The following NR2C2 variants were observed in gnomAD, a reference collection of about 807,000 sequenced individuals.
NR2C2 encodes the protein Nuclear hormone receptor TR4.
Under a neutral mutation model 62.9 loss-of-function variants are expected in NR2C2, and 6 were observed. The observed-to-expected ratio is 0.10, with a 90% confidence interval of 0.05 to 0.19. The LOEUF is 0.19. Ranked by LOEUF, NR2C2 falls within the 10% of genes least tolerant of loss-of-function variation. NR2C2 has a pLI of 1.00. For missense variants in NR2C2, 479 were observed against 762.7 expected, an observed-to-expected ratio of 0.63 and a Z score of 4.38; for synonymous variants, 272 against 273.8, an observed-to-expected ratio of 0.99 and a Z score of 0.07.
chr3:14,984,833 T>G (rs917323851), intron 1 of NR2C2, among the ~76,000 whole-genome samples: 4 of 141,376 alleles, frequency 2.8e-5, no homozygotes, highest in Non-Finnish European at 6.2e-5. Context: ...CATATGGTGG[T>G]TTTTTTTTTT....
At chr3:14,973,491 C>A (rs1202068178) in intron 1 of NR2C2, among the ~76,000 whole-genome samples, 2 of 152,154 alleles carry the variant, frequency 1.3e-5, no homozygotes, top group African/African-American at 2.4e-5. Context: ...ACCTTGGCCT[C>A]CCAAAGTGCC....
chr3:15,027,573 G>A (rs2041859391), intron 7 of NR2C2, among the ~76,000 whole-genome samples: 1 of 152,148 alleles, frequency 6.6e-6, no homozygotes, highest in Non-Finnish European at 1.5e-5. Flanking sequence ...TCTTTGGAGA[G>A]AAGTCTATTA....
Position 15,048,875 on chromosome 3 carries a change from C to G in NR2C2, c.*5867C>G, listed in dbSNP as rs1253493074. On this transcript the variant is annotated 3_prime_UTR_variant, in exon 14 of 14. Coordinates refer to ENST00000425241, the MANE Select transcript of NR2C2 (RefSeq NM_001291694.2). ...AGCCCTTTTAAAGGCATCTATCTAT[C>G]AAAGGAAAATTTGGGTGTTAGATTT... 3 of 152,636 alleles carry G rather than the reference C, an allele frequency of 2.0e-5. No individual in the cohort carries two copies. The highest frequency in any genetic ancestry group is 4.4e-5 in the Non-Finnish European group (3 of 68,046). The allele number at this position is 152,636 out of a possible 1,614,324, so 9.5% of individuals were successfully genotyped here.
At chr3:14,977,429 A>C (rs1039478456) in intron 1 of NR2C2, among the ~76,000 whole-genome samples, 10 of 151,942 alleles carry the variant, frequency 6.6e-5, no homozygotes, top group African/African-American at 2.2e-4. Context: ...TTCATTTTTG[A>C]TATCTTATTT....
chr3:14,956,072 A>G (rs988929176), intron 1 of NR2C2, among the ~76,000 whole-genome samples: 7 of 152,224 alleles, frequency 4.6e-5, no homozygotes, highest in Admixed American at 2.0e-4. Flanking sequence ...CCCTAAAGCT[A>G]AGTAAACTTG....
At chr3:14,965,076 G>A (rs2039800619) in intron 1 of NR2C2, among the ~76,000 whole-genome samples, 1 of 152,172 alleles carries the variant, frequency 6.6e-6, no homozygotes, top group African/African-American at 2.4e-5. Context: ...TACCTGCAGA[G>A]AACCCATGCA....
chr3:15,022,014 TC>T (rs199546246), intron 5 of NR2C2, among the ~76,000 whole-genome samples: 1,935 of 152,358 alleles, frequency 0.013, 21 homozygotes, highest in Middle Eastern at 0.058. Context: ...CTGTCCTTTT[TC>T]TCAATGATGA....
At chr3:15,014,964 G>A (rs1034238058) in intron 3 of NR2C2, among the ~76,000 whole-genome samples, 34 of 152,194 alleles carry the variant, frequency 2.2e-4, no homozygotes, top group Non-Finnish European at 4.6e-4. Context: ...ACTTAAAGAA[G>A]GGAAGACTTT....
rs779271429 is a variant in NR2C2, at chr3:15,032,422, A to C, written c.1154A>C (p.Tyr385Ser). 1 of 1,614,190 alleles carries C rather than the reference A, an allele frequency of 6.2e-7. No homozygotes were observed. Among genetic ancestry groups the C allele is most frequent in the Non-Finnish European group, 8.5e-7 (1 of 1,180,022 alleles). The change falls in exon 10 of 14, where the codon TAC becomes TCC. Residue 385 changes from tyrosine (Y) to serine (S), a missense_variant. By Grantham distance (144) the Tyr-to-Ser change is moderately radical. Coordinates refer to ENST00000425241, the MANE Select transcript of NR2C2 (RefSeq NM_001291694.2). ...SPMPEYLNVH[Y>S]ICESASRLLF... The stretch of plus-strand genomic sequence containing the variant: ...ATGCCAGAGTACCTCAACGTGCACT[A>C]CATCTGTGAGTCTGCATCCCGTCTG...
intron 10 of NR2C2, chr3:15,034,192 C>G (rs1462035724): frequency 6.6e-6 from 1 of 152,634 alleles, no homozygotes; most frequent in Non-Finnish European, 1.5e-5. Flanking sequence ...CCCTCATCCT[C>G]CCTGCTTCAG....
At chr3:14,993,347 G>A (rs1194447722) in intron 1 of NR2C2, among the ~76,000 whole-genome samples, 6 of 151,848 alleles carry the variant, frequency 4.0e-5, no homozygotes, top group African/African-American at 1.2e-4. Flanking sequence ...CCAGCTGCTC[G>A]GGAGGCTGAG....
At chr3:14,968,300 C>A (rs1222588371) in intron 1 of NR2C2, among the ~76,000 whole-genome samples, 3 of 152,076 alleles carry the variant, frequency 2.0e-5, no homozygotes, top group Non-Finnish European at 4.4e-5. Flanking sequence ...AAGAAAAAAA[C>A]AACCCCATCA....
intron 1 of NR2C2, among the ~76,000 whole-genome samples, chr3:14,999,899 C>G (rs900538403): frequency 6.6e-6 from 1 of 151,974 alleles, no homozygotes; most frequent in Non-Finnish European, 1.5e-5. Context: ...TTTTAAGTTA[C>G]AAATTGAGTT....
chr3:14,995,933 T>C (rs896599483), intron 1 of NR2C2, among the ~76,000 whole-genome samples: 3 of 152,222 alleles, frequency 2.0e-5, no homozygotes, highest in Admixed American at 1.3e-4. Flanking sequence ...TGATATTGAA[T>C]ATTTTTTCAA....
At chr3:15,021,014 T>A in intron 5 of NR2C2, 82 bp downstream of exon 5, 1 of 1,362,058 alleles carries the variant, frequency 7.3e-7, no homozygotes, top group Non-Finnish European at 1.0e-6. Flanking sequence ...TTTCTATACC[T>A]GGCCTTAAAA....
intron 1 of NR2C2, among the ~76,000 whole-genome samples, chr3:14,981,171 T>C (rs188655716): frequency 4.5e-4 from 68 of 152,292 alleles, no homozygotes; most frequent in South Asian, 1.0e-3. Flanking sequence ...TCCTATTTAG[T>C]CTTAACATAA....
At chr3:14,977,378 T>C (rs534358015) in intron 1 of NR2C2, among the ~76,000 whole-genome samples, 24 of 152,362 alleles carry the variant, frequency 1.6e-4, no homozygotes, top group African/African-American at 5.8e-4. Context: ...TTGTGGCAGA[T>C]GGCTTTCAGC....
chr3:14,953,667 A>T (rs893852921), intron 1 of NR2C2, among the ~76,000 whole-genome samples: 3 of 152,104 alleles, frequency 2.0e-5, no homozygotes, highest in Non-Finnish European at 4.4e-5. Context: ...AGGCCAAGGC[A>T]GGCGGATCAT....
At chr3:14,993,623 A>T (rs2040733857) in intron 1 of NR2C2, among the ~76,000 whole-genome samples, 1 of 152,116 alleles carries the variant, frequency 6.6e-6, no homozygotes, top group Non-Finnish European at 1.5e-5. Context: ...CTCTGGTGCC[A>T]CTAGAACATA....
Sources: allele counts gnomAD v4.1 joint callset (sites outside exome capture counted in the v4.1 genomes callset), GRCh38; gene constraint gnomAD v4.1.1; transcripts MANE v1.5; gene names NCBI Gene and HGNC (gene_info 2026-07-23, HGNC 2026-07-21).